The following ADK variants were observed in gnomAD, a reference collection of about 807,000 sequenced individuals.
ADK encodes the protein N6,N6-dimethyladenosine kinase.
In ADK, 24 loss-of-function variants were observed where a neutral mutation model predicts 44.7. That is an observed-to-expected ratio of 0.54 (90% CI 0.39 to 0.76). The LOEUF (loss-of-function observed/expected upper bound fraction) is 0.76, where lower values mean the gene tolerates loss of function less well. Among genes scored for constraint, ADK ranks in the 30% least tolerant of loss-of-function variants. The pLI, the probability that ADK is intolerant of heterozygous loss-of-function variation, is 0.00. For synonymous variants in ADK, 128 were observed against 142.6 expected, an observed-to-expected ratio of 0.90 and a Z score of 0.73; for missense variants, 321 against 425.1, an observed-to-expected ratio of 0.76 and a Z score of 2.15.
chr10:74,431,663 C>T (rs1370654291), intron 6 of ADK, among the ~76,000 whole-genome samples: 3 of 152,096 alleles, frequency 2.0e-5, no homozygotes, highest in Non-Finnish European at 2.9e-5. Flanking sequence ...ATTGCTTGAA[C>T]CTGGGAGGCG....
intron 2 of ADK, among the ~76,000 whole-genome samples, chr10:74,215,945 C>T (rs939231744): frequency 3.9e-5 from 6 of 152,096 alleles, no homozygotes; most frequent in African/African-American, 9.7e-5. Context: ...CGTGAGCCAC[C>T]GCGCCTGGCC....
At position 74,438,488 on chromosome 10, in the gene ADK, C is replaced by G. The variant is rs141703035; in HGVS notation, c.555+39909C>G. On this transcript the variant is annotated intron_variant, in intron 6 of 10. Transcript: ENST00000539909. The stretch of plus-strand genomic sequence containing the variant: ...CTCGTGATCCCTCCGCCTCAGCCTC[C>G]CAAAGTACTGGGATTACAGGCATGA... Among the ~76,000 whole-genome samples the G allele has an allele frequency of 5.5e-3, 840 of 152,112 alleles. 22 individuals carry two copies. Among genetic ancestry groups the G allele is most frequent in the Admixed American group, 0.036 (550 of 15,268 alleles).
At chr10:74,640,776 A>G (rs1356801755) in intron 9 of ADK, among the ~76,000 whole-genome samples, 11 of 152,258 alleles carry the variant, frequency 7.2e-5, no homozygotes, top group African/African-American at 2.7e-4. Flanking sequence ...ATAGGCAGCT[A>G]GCCAGATTTG....
At chr10:74,315,703 A>G (rs1214015128) in intron 4 of ADK, among the ~76,000 whole-genome samples, 1 of 152,222 alleles carries the variant, frequency 6.6e-6, no homozygotes, top group East Asian at 1.9e-4. Context: ...AAAATTGACA[A>G]ATAAAATCCA....
intron 6 of ADK, among the ~76,000 whole-genome samples, chr10:74,437,061 A>G (rs1347556297): frequency 6.6e-6 from 1 of 152,192 alleles, no homozygotes; most frequent in Non-Finnish European, 1.5e-5. Flanking sequence ...AATTAAATCT[A>G]AAGCCTTTTT....
chr10:74,235,600 T>G (rs1591908148), intron 3 of ADK, among the ~76,000 whole-genome samples: 1 of 152,152 alleles, frequency 6.6e-6, no homozygotes, highest in Admixed American at 6.5e-5. Context: ...CACTGCACCC[T>G]GCTCACATAT....
rs546265217 is a variant in ADK, at chr10:74,578,510, A to G, written c.727-10772A>G. Reference sequence around the variant, plus strand: ...ACTCTACTTCAACTCTGTCTGTGGTAGCATAAAAGCAACCATAGATAATAT... The same window carrying G: ...ACTCTACTTCAACTCTGTCTGTGGTGGCATAAAAGCAACCATAGATAATAT... On this transcript the variant is annotated intron_variant, in intron 7 of 10. Transcript: ENST00000539909. 4.6e-5 allele frequency among the ~76,000 whole-genome samples: 7 copies of G among 152,296 alleles called. No individual in the cohort carries two copies. In the East Asian group the frequency reaches 1.4e-3, roughly 29 times the overall value.
chr10:74,562,239 A>T (rs1850488736), intron 7 of ADK, among the ~76,000 whole-genome samples: 1 of 152,214 alleles, frequency 6.6e-6, no homozygotes, highest in Non-Finnish European at 1.5e-5. Context: ...ACTGCCTAAC[A>T]CATAGTAGAT....
chr10:74,604,299 G>C (rs1456384594), intron 9 of ADK, among the ~76,000 whole-genome samples: 2 of 152,054 alleles, frequency 1.3e-5, no homozygotes, highest in Non-Finnish European at 2.9e-5. Context: ...CATTACTTTT[G>C]GTGTTTTAGT....
chr10:74,219,184 C>T (rs112997913), intron 2 of ADK, among the ~76,000 whole-genome samples: 20 of 151,032 alleles, frequency 1.3e-4, no homozygotes, highest in African/African-American at 4.6e-4. Context: ...ATCTACCAAG[C>T]GAATGGAAAA....
chr10:74,558,855 C>T (rs1454372399), intron 7 of ADK, among the ~76,000 whole-genome samples: 1 of 152,128 alleles, frequency 6.6e-6, no homozygotes, highest in African/African-American at 2.4e-5. Context: ...TTGATTTTAC[C>T]CTAGTGAGGC....
intron 4 of ADK, among the ~76,000 whole-genome samples, chr10:74,380,171 G>A (rs945054457): frequency 2.6e-4 from 39 of 151,996 alleles, no homozygotes; most frequent in Non-Finnish European, 5.6e-4. Context: ...TTTATATTGT[G>A]TGGAATCTCC....
intron 9 of ADK, among the ~76,000 whole-genome samples, chr10:74,601,633 A>G (rs907153885): frequency 6.6e-6 from 1 of 152,078 alleles, no homozygotes; most frequent in African/African-American, 2.4e-5. Context: ...TCATTATGCT[A>G]TTATCTCCAC....
At chr10:74,293,655 CTG>C (rs1157074745) in intron 3 of ADK, among the ~76,000 whole-genome samples, 1 of 152,088 alleles carries the variant, frequency 6.6e-6, no homozygotes, top group Admixed American at 6.6e-5. Flanking sequence ...TTACCTTACT[CTG>C]TGATTTATAT....
chr10:74,460,407 A>G (rs1035044132), intron 6 of ADK, among the ~76,000 whole-genome samples: 3 of 152,080 alleles, frequency 2.0e-5, no homozygotes, highest in Non-Finnish European at 2.9e-5. Context: ...GACATGTTCA[A>G]TTTGTGGATT....
chr10:74,301,346 C>T (rs1840024694), intron 3 of ADK, among the ~76,000 whole-genome samples: 1 of 151,806 alleles, frequency 6.6e-6, no homozygotes, highest in African/African-American at 2.4e-5. Context: ...ATCCCCATCT[C>T]TACTAAAAAT....
intron 9 of ADK, among the ~76,000 whole-genome samples, chr10:74,601,477 A>G (rs1242163973): frequency 6.6e-6 from 1 of 152,094 alleles, no homozygotes; most frequent in Non-Finnish European, 1.5e-5. Flanking sequence ...TTATTTCAGA[A>G]TGGTCAAAAG....
At chr10:74,196,410 C>T (rs1345089986) in intron 1 of ADK, among the ~76,000 whole-genome samples, 6 of 151,946 alleles carry the variant, frequency 3.9e-5, no homozygotes, top group Non-Finnish European at 7.4e-5. Flanking sequence ...CATAGTGGTG[C>T]GTGCCTGTAA....
chr10:74,563,697 T>A (rs74146376), intron 7 of ADK, among the ~76,000 whole-genome samples: 4,818 of 152,250 alleles, frequency 0.032, 284 homozygotes, highest in African/African-American at 0.11. Context: ...TGTATACATA[T>A]GTCTAAATAT....
Sources: allele counts gnomAD v4.1 joint callset (sites outside exome capture counted in the v4.1 genomes callset), GRCh38; gene constraint gnomAD v4.1.1; transcripts MANE v1.5; gene names NCBI Gene and HGNC (gene_info 2026-07-23, HGNC 2026-07-21).